ANOS1: variants seen among roughly 807,000 people sequenced by gnomAD.
ANOS1 encodes anosmin 1, also known as anosmin-1.
In ANOS1, 6 loss-of-function variants were observed where a neutral mutation model predicts 59.0. The observed-to-expected ratio is 0.10, with a 90% CI of 0.06 to 0.20. ANOS1 has a LOEUF of 0.20. Among genes scored for constraint, ANOS1 ranks in the 10% least tolerant of loss-of-function variants. ANOS1 has a pLI of 1.00. For missense variants in ANOS1, 433 were observed against 542.3 expected (o/e 0.80, Z 2.00); for synonymous variants, 217 against 223.4 (o/e 0.97, Z 0.25).
chrX:8,694,850 C>CA (rs1932660376), intron 2 of ANOS1, among the ~76,000 whole-genome samples: 1 of 111,306 alleles, frequency 9.0e-6, no homozygotes, highest in African/African-American at 3.3e-5. Flanking sequence ...AAATTGTTTG[C>CA]AAAACATATT....
intron 1 of ANOS1, among the ~76,000 whole-genome samples, chrX:8,723,920 G>A (rs74651195): frequency 0.015 from 1,713 of 111,978 alleles, 89 homozygotes; most frequent in Admixed American, 0.13. Context: ...AAGCTTGCCT[G>A]AACAGTGCAT....
intron 2 of ANOS1, among the ~76,000 whole-genome samples, chrX:8,635,288 T>C (rs1302330141): frequency 8.9e-6 from 1 of 111,882 alleles, no homozygotes; most frequent in Non-Finnish European, 1.9e-5. Flanking sequence ...TAGAACCTAC[T>C]TCTTTTGCAG....
In ANOS1 at chrX:8,572,793, T is replaced by C. The variant is rs1037955503; in HGVS notation, c.857-2089A>G. Among the ~76,000 whole-genome samples, 7 of 111,700 alleles carry C rather than the reference T, an allele frequency of 6.3e-5. No individual in the cohort carries two copies. In the East Asian group the frequency reaches 2.0e-3, roughly 32 times the overall value. On this transcript the variant is annotated intron_variant, in intron 6 of 13. Transcript: ENST00000262648. ...GGGACCCAGGATTATGTATATCTTA[T>C]ATGAAACACACAGGTAATATGAGGT...
In ANOS1 at chrX:8,540,828, G is replaced by A. The variant is rs189510312; in HGVS notation, c.1355-1070C>T. Among the ~76,000 whole-genome samples the A allele has an allele frequency of 2.5e-4, 28 of 110,419 alleles. 1 individual carries two copies. The East Asian group carries it at 2.9e-3, about 11-fold the overall frequency. On this transcript the variant is annotated intron_variant, in intron 9 of 13. Transcript: ENST00000262648. ...AAACAGATATAAAAGTGGGCACTCCGGGCATTTAGCTAAAAGAGAAATCAT... is the reference window on the plus strand; with the variant it reads ...AAACAGATATAAAAGTGGGCACTCCAGGCATTTAGCTAAAAGAGAAATCAT...
chrX:8,583,462 T>C (rs1276284737), intron 6 of ANOS1, among the ~76,000 whole-genome samples: 1 of 111,974 alleles, frequency 8.9e-6, no homozygotes, highest in African/African-American at 3.2e-5. Context: ...AGTGAGGCTG[T>C]TTTCAACGTT....
intron 2 of ANOS1, among the ~76,000 whole-genome samples, chrX:8,670,441 C>T (rs1932237018): frequency 1.8e-5 from 2 of 111,050 alleles, no homozygotes; most frequent in Non-Finnish European, 3.8e-5. Context: ...ATTGGCTGTA[C>T]CACCTAACAT....
intron 4 of ANOS1, among the ~76,000 whole-genome samples, chrX:8,594,664 A>ATATATG (rs1930685580): frequency 5.7e-5 from 1 of 17,519 alleles, no homozygotes; most frequent in South Asian, 3.0e-3. Context: ...ATGTGTATAT[A>ATATATG]TATATATATA....
At chrX:8,588,013 G>A (rs754126929) in intron 4 of ANOS1, 35 bp from the exon 5 acceptor site, 8 of 1,116,245 alleles carry the variant, frequency 7.2e-6, no homozygotes, top group South Asian at 5.6e-5. Context: ...AACAATCTGC[G>A]TGTGACTCAA....
intron 3 of ANOS1, among the ~76,000 whole-genome samples, chrX:8,619,401 G>A (rs967149398): frequency 2.0e-4 from 22 of 111,219 alleles, no homozygotes; most frequent in Non-Finnish European, 3.8e-4. Flanking sequence ...GTCAGGAGAT[G>A]GAGACCATCC....
At position 8,586,069 on chromosome X, in the gene ANOS1, C is replaced by T. The variant is rs767713216; in HGVS notation, c.727-673G>A. ...ACTTTAACAGTCTTCATACTATATA[C>T]CTGCTTTCAACAATGTTCTGTGTTT... On this transcript the variant is annotated intron_variant, in intron 5 of 13. Transcript: ENST00000262648. 5.3e-5 allele frequency among the ~76,000 whole-genome samples: 6 copies of T among 112,238 alleles called. No individual in the cohort carries two copies. The South Asian group carries it at 1.8e-3, about 35-fold the overall frequency.
At chrX:8,657,118 C>T (rs1159268805) in intron 2 of ANOS1, among the ~76,000 whole-genome samples, 2 of 112,708 alleles carry the variant, frequency 1.8e-5, no homozygotes, top group Non-Finnish European at 3.8e-5. Flanking sequence ...CTCGATCAAT[C>T]ATGCCTACGG....
At chrX:8,669,931 CAGTTT>C (rs1932227936) in intron 2 of ANOS1, among the ~76,000 whole-genome samples, 2 of 111,699 alleles carry the variant, frequency 1.8e-5, no homozygotes, top group South Asian at 7.5e-4. Context: ...GTAAACACAC[CAGTTT>C]GCATATACTC....
At chrX:8,614,315 C>G (rs757643798) in intron 3 of ANOS1, among the ~76,000 whole-genome samples, 100 of 112,334 alleles carry the variant, frequency 8.9e-4, no homozygotes, top group Admixed American at 2.7e-3. Flanking sequence ...AGCCTCTTCT[C>G]TCTCCTCTAT....
chrX:8,539,494 T>C (rs1377171909), intron 10 of ANOS1, among the ~76,000 whole-genome samples, 170 bp downstream of exon 10: 1 of 111,190 alleles, frequency 9.0e-6, no homozygotes, highest in Non-Finnish European at 1.9e-5. Flanking sequence ...ATGGTGTGAA[T>C]GGATAAAAGA....
intron 2 of ANOS1, among the ~76,000 whole-genome samples, chrX:8,676,467 C>T (rs778631691): frequency 1.8e-5 from 2 of 111,464 alleles, no homozygotes; most frequent in South Asian, 7.6e-4. Flanking sequence ...CAAAAAAGGG[C>T]ACATCATCTG....
intron 4 of ANOS1, among the ~76,000 whole-genome samples, chrX:8,589,718 G>C (rs1382013632): frequency 8.9e-6 from 1 of 111,844 alleles, no homozygotes; most frequent in Non-Finnish European, 1.9e-5. Flanking sequence ...GGGGTACCTA[G>C]ACTTGGATGA....
chrX:8,706,548 CTGA>C (rs749564238), intron 1 of ANOS1, among the ~76,000 whole-genome samples: 3 of 111,870 alleles, frequency 2.7e-5, no homozygotes, highest in African/African-American at 9.7e-5. Context: ...ACTATGGACC[CTGA>C]TGATGATGAT....
At chrX:8,712,056 C>A (rs1368009623) in intron 1 of ANOS1, among the ~76,000 whole-genome samples, 1 of 112,135 alleles carries the variant, frequency 8.9e-6, no homozygotes, top group East Asian at 2.8e-4. Context: ...GTACCACAAC[C>A]CAGGGGGCTG....
At chrX:8,559,410 G>C (rs1395091596) in intron 8 of ANOS1, among the ~76,000 whole-genome samples, 1 of 111,320 alleles carries the variant, frequency 9.0e-6, no homozygotes, top group Non-Finnish European at 1.9e-5. Context: ...CCACAAAACT[G>C]AACAAGAAGG....
Sources: allele counts gnomAD v4.1 joint callset (sites outside exome capture counted in the v4.1 genomes callset), GRCh38; gene constraint gnomAD v4.1.1; transcripts MANE v1.5; gene names NCBI Gene and HGNC (gene_info 2026-07-23, HGNC 2026-07-21).